The following SNAP91 variants were observed in gnomAD, a reference collection of about 807,000 sequenced individuals.
The protein encoded by SNAP91 is clathrin coat assembly protein AP180.
In SNAP91, 27 loss-of-function variants were observed where a neutral mutation model predicts 100.3. That is an observed-to-expected ratio of 0.27 (90% CI 0.20 to 0.37). The LOEUF (loss-of-function observed/expected upper bound fraction) is 0.37. Among genes scored for constraint, SNAP91 ranks in the 10% least tolerant of loss-of-function variants. SNAP91 has a pLI of 1.00. For synonymous variants in SNAP91, 404 were observed against 398.6 expected, an observed-to-expected ratio of 1.01 and a Z score of -0.16; for missense variants, 986 against 1,123.7, an observed-to-expected ratio of 0.88 and a Z score of 1.75.
At chr6:83,625,202 G>A (rs1045216025) in intron 8 of SNAP91, among the ~76,000 whole-genome samples, 2 of 152,022 alleles carry the variant, frequency 1.3e-5, no homozygotes, top group Admixed American at 6.6e-5. Flanking sequence ...CATTCATGTT[G>A]CTGCTAAGGG....
chr6:83,602,667 T>C (rs1443784875), intron 14 of SNAP91, among the ~76,000 whole-genome samples: 1 of 152,196 alleles, frequency 6.6e-6, no homozygotes, highest in Non-Finnish European at 1.5e-5. Context: ...TTTTACTATT[T>C]TGCTTAGAAA....
chr6:83,607,591 C>A, intron 13 of SNAP91, 108 bp downstream of exon 13: 1 of 645,088 alleles, frequency 1.6e-6, no homozygotes, highest in Non-Finnish European at 2.5e-6. Context: ...TTCAACATTA[C>A]TAGGATTAGA....
intron 2 of SNAP91, among the ~76,000 whole-genome samples, chr6:83,705,272 C>T (rs1002722150): frequency 6.6e-6 from 1 of 152,092 alleles, no homozygotes; most frequent in Non-Finnish European, 1.5e-5. Flanking sequence ...TTTTATGCAA[C>T]AGAATTAAAA....
intron 2 of SNAP91, among the ~76,000 whole-genome samples, chr6:83,681,990 C>A (rs2098995682): frequency 6.6e-6 from 1 of 152,106 alleles, no homozygotes; most frequent in South Asian, 2.1e-4. Context: ...TGAAAGCTTC[C>A]TTGAATTCTA....
At chr6:83,667,544 A>C (rs1249591917) in intron 2 of SNAP91, among the ~76,000 whole-genome samples, 1 of 151,982 alleles carries the variant, frequency 6.6e-6, no homozygotes, top group Admixed American at 6.6e-5. Context: ...TATTATTTGT[A>C]TTAACATGTT....
At chr6:83,641,064 T>C in intron 8 of SNAP91, 32 bp downstream of exon 8, 1 of 1,227,816 alleles carries the variant, frequency 8.1e-7, no homozygotes, top group Non-Finnish European at 1.1e-6. Context: ...ATTTAAAAAA[T>C]TATATTCCCA....
At chr6:83,645,251 T>G (rs543546493) in intron 7 of SNAP91, among the ~76,000 whole-genome samples, 53 of 152,298 alleles carry the variant, frequency 3.5e-4, no homozygotes, top group African/African-American at 1.2e-3. Context: ...CCTGACTTTT[T>G]TTTTTTTAGA....
chr6:83,658,239 C>T (rs1223697236), intron 6 of SNAP91, among the ~76,000 whole-genome samples: 5 of 152,128 alleles, frequency 3.3e-5, no homozygotes, highest in Non-Finnish European at 7.4e-5. Flanking sequence ...AGGATATTGA[C>T]AATGAAACAA....
At chr6:83,615,865 A>C (rs986901878) in intron 10 of SNAP91, among the ~76,000 whole-genome samples, 1 of 152,184 alleles carries the variant, frequency 6.6e-6, no homozygotes, top group Admixed American at 6.5e-5. Flanking sequence ...AAATAGTTGC[A>C]TTTTGATAGC....
chr6:83,700,919 T>C (rs1262335860), intron 2 of SNAP91, among the ~76,000 whole-genome samples: 1 of 152,158 alleles, frequency 6.6e-6, no homozygotes, highest in Non-Finnish European at 1.5e-5. Flanking sequence ...TAAATAATTA[T>C]CACTCACTGG....
intron 29 of SNAP91, among the ~76,000 whole-genome samples, chr6:83,554,640 A>G (rs916414240): frequency 6.6e-6 from 1 of 152,166 alleles, no homozygotes; most frequent in Non-Finnish European, 1.5e-5. Context: ...GCAGCTAAAG[A>G]AAAAGGGGGC....
intron 2 of SNAP91, among the ~76,000 whole-genome samples, chr6:83,695,564 C>T (rs2099195655): frequency 6.6e-6 from 1 of 152,074 alleles, no homozygotes; most frequent in Non-Finnish European, 1.5e-5. Flanking sequence ...TGATATAAAG[C>T]TGTAGAATTC....
intron 2 of SNAP91, among the ~76,000 whole-genome samples, chr6:83,669,268 A>G (rs1447731528): frequency 6.6e-6 from 1 of 152,018 alleles, no homozygotes; most frequent in African/African-American, 2.4e-5. Flanking sequence ...AGTAGTTATT[A>G]TATAAGTTTC....
intron 2 of SNAP91, among the ~76,000 whole-genome samples, chr6:83,673,695 C>A (rs2098820448): frequency 6.6e-6 from 1 of 152,196 alleles, no homozygotes; most frequent in Non-Finnish European, 1.5e-5. Context: ...GCACAAATGA[C>A]AGACATTAAC....
intron 7 of SNAP91, among the ~76,000 whole-genome samples, chr6:83,644,391 A>G (rs2097836739): frequency 6.6e-6 from 1 of 152,188 alleles, no homozygotes; most frequent in Admixed American, 6.5e-5. Flanking sequence ...AGGCACAGCT[A>G]ATGAGACTCC....
intron 3 of SNAP91, 41 bp downstream of exon 3, chr6:83,665,398 C>CTCCT (rs1229650839): frequency 6.3e-7 from 1 of 1,589,720 alleles, no homozygotes; most frequent in Admixed American, 1.8e-5. Context: ...TCCTAAAAGC[C>CTCCT]TCCTTCCTCC....
chr6:83,670,951 TTATTA>T (rs1431138453), intron 2 of SNAP91, among the ~76,000 whole-genome samples: 2 of 152,006 alleles, frequency 1.3e-5, no homozygotes, highest in African/African-American at 4.8e-5. Context: ...CCCTTCAAGT[TTATTA>T]TATTTTGTTC....
chr6:83,558,753 A>T (rs1300101512), intron 28 of SNAP91, among the ~76,000 whole-genome samples: 1 of 152,234 alleles, frequency 6.6e-6, no homozygotes, highest in African/African-American at 2.4e-5. Flanking sequence ...ATTAAAATAT[A>T]TTTGAGCTAT....
chr6:83,594,347 C>G (rs750125541), intron 17 of SNAP91, 27 bp downstream of exon 17: 10 of 1,516,174 alleles, frequency 6.6e-6, no homozygotes, highest in Non-Finnish European at 9.0e-6. Flanking sequence ...AGAAGAATAA[C>G]AGACTGGCTA....
Sources: allele counts gnomAD v4.1 joint callset (sites outside exome capture counted in the v4.1 genomes callset), GRCh38; gene constraint gnomAD v4.1.1; transcripts MANE v1.5; gene names NCBI Gene and HGNC (gene_info 2026-07-23, HGNC 2026-07-21).